COL4A4: variants seen among roughly 807,000 people sequenced by gnomAD.
The protein encoded by COL4A4 is collagen alpha-4(IV) chain.
COL4A4 carries 105 observed loss-of-function variants against 192.9 expected under a neutral mutation model. The observed-to-expected ratio is 0.54, with a 90% confidence interval of 0.46 to 0.64. The LOEUF (loss-of-function observed/expected upper bound fraction) is 0.64. Among genes scored for constraint, COL4A4 ranks in the 30% least tolerant of loss-of-function variants. The pLI, the probability that COL4A4 is intolerant of heterozygous loss-of-function variation, is 0.00. For synonymous variants in COL4A4, 762 were observed against 769.9 expected (o/e 0.99, Z 0.17); for missense variants, 1,967 against 2,169.3 (o/e 0.91, Z 1.85).
chr2:227,147,176 TG>T (rs1488172561), intron 2 of COL4A4: 1 of 646,958 alleles, frequency 1.5e-6, no homozygotes, highest in Non-Finnish European at 2.9e-6. Context: ...AGCAAGAATC[TG>T]GGGCCTTTCC....
At chr2:227,137,151 G>T (rs1414296157) in intron 4 of COL4A4, among the ~76,000 whole-genome samples, 2 of 152,138 alleles carry the variant, frequency 1.3e-5, no homozygotes, top group Admixed American at 1.3e-4. Flanking sequence ...TGCCGCTCAG[G>T]ACTGGGAGCC....
At chr2:227,109,696 G>A (rs7578499) in intron 9 of COL4A4, among the ~76,000 whole-genome samples, 30,305 of 150,908 alleles carry the variant, frequency 0.2, 4,978 homozygotes, top group African/African-American at 0.45. Context: ...GCAGTGAGCC[G>A]AGATTGTGCC....
At position 227,118,735 on chromosome 2, in the gene COL4A4, T is replaced by G; in HGVS notation, c.399A>C (p.Arg133Ser). ...TGTGGCCACTCATACCAGGTTTGCC[T>G]CTGGGTCCAGGAGGCCCTGGGTGCC... ...IPGHPGPPGP[R>S]GKPGMSGHNG... is the part of the protein sequence containing the mutation. The change falls in exon 7 of 48, where the codon AGA becomes AGC. Residue 133 changes from arginine to serine, a missense_variant. Coordinates refer to ENST00000396625, the MANE Select transcript of COL4A4 (RefSeq NM_000092.5). The G allele has an allele frequency of 1.2e-6, 2 of 1,613,816 alleles. No homozygotes were observed. Among genetic ancestry groups the G allele is most frequent in the Non-Finnish European group, 1.7e-6 (2 of 1,179,980 alleles).
chr2:227,027,949 T>A lies in COL4A4; in HGVS notation c.4034A>T (p.Lys1345Met), dbSNP rs1409570670. 1 of 1,613,868 alleles carries A rather than the reference T, an allele frequency of 6.2e-7. No homozygotes were observed. ...PHGFPGPPGE[K>M]GLPGPPGRKG... ...TCTCCCTGGAGGTCCAGGTAAACCC[T>A]TCTCTCCAGGTGGCCCAGGAAATCC... The change falls in exon 42 of 48, where the codon AAG becomes ATG. Residue 1345 changes from lysine (K) to methionine (M), a missense_variant. Coordinates refer to ENST00000396625, the MANE Select transcript of COL4A4 (RefSeq NM_000092.5).
At chr2:227,118,812 A>G in intron 6 of COL4A4, 51 bp from the exon 7 acceptor site, 5 of 1,128,362 alleles carry the variant, frequency 4.4e-6, no homozygotes, top group Middle Eastern at 2.3e-4. Context: ...ATATCATTAC[A>G]TAAAGGTTAT....
rs200823182 is a variant in COL4A4 at position 227,028,012 on chromosome 2, TA to T, written c.3974-4del. 85 of 1,447,526 alleles carry T rather than the reference TA, an allele frequency of 5.9e-5. No individual in the cohort carries two copies. Among genetic ancestry groups the T allele is most frequent in the East Asian group, 1.0e-4 (4 of 40,054 alleles). The allele number at this position is 1,447,526 out of a possible 1,614,324, so 89.7% of individuals were successfully genotyped here. The stretch of plus-strand genomic sequence containing the variant: ...CGGTCCCGGGAATCCCACTGGTCCT[TA>T]AAAAAAAACAAAACATAAAAATGAG... On this transcript the variant is annotated splice_polypyrimidine_tract_variant and splice_region_variant and intron_variant, in intron 41 of 47. Coordinates refer to ENST00000396625, the MANE Select transcript of COL4A4 (RefSeq NM_000092.5).
At chr2:227,158,086 A>T (rs2064497247) in intron 1 of COL4A4, among the ~76,000 whole-genome samples, 1 of 152,144 alleles carries the variant, frequency 6.6e-6, no homozygotes, top group Non-Finnish European at 1.5e-5. Flanking sequence ...AAAAGCAACA[A>T]AGTTGAAGGA....
chr2:226,972,638 C>T, the COL4A4 span, among the ~76,000 whole-genome samples: 1 of 152,134 alleles, frequency 6.6e-6, no homozygotes, highest in Non-Finnish European at 1.5e-5. Flanking sequence ...ACTTGCCCTC[C>T]ATCTATGAAA....
rs562769008 is a variant in COL4A4 at position 227,008,192 on chromosome 2, G to A, written c.4635C>T (p.Ser1545=). The part of the protein sequence containing the change: ...QRNDRSYWLA[S]AAPLPMMPLS... ...GTGGCATCATGGGGAGGGGCGCAGC[G>A]CTGGCCAGCCAGTAGGATCTGTCGT... The change falls in exon 47 of 48, where the codon AGC becomes AGT. Residue 1545 remains serine, a synonymous_variant. Coordinates refer to ENST00000396625, the MANE Select transcript of COL4A4 (RefSeq NM_000092.5). The A allele has an allele frequency of 6.2e-6, 10 of 1,614,214 alleles. No homozygotes were observed. The highest frequency in any genetic ancestry group is 2.2e-5 in the East Asian group (1 of 44,882).
chr2:227,070,800 C>T (rs1576310730), intron 25 of COL4A4, among the ~76,000 whole-genome samples: 1 of 151,642 alleles, frequency 6.6e-6, no homozygotes, highest in East Asian at 1.9e-4. Context: ...GGGTGCAGCA[C>T]AGCAGCATGT....
intron 34 of COL4A4, among the ~76,000 whole-genome samples, chr2:227,047,919 G>A (rs1973231616): frequency 1.3e-5 from 2 of 152,152 alleles, no homozygotes; most frequent in South Asian, 2.1e-4. Flanking sequence ...ATCAAAAATT[G>A]TAACTGTTTT....
At chr2:227,090,030 C>G in intron 20 of COL4A4, 73 bp from the exon 21 acceptor site, 2 of 1,204,006 alleles carry the variant, frequency 1.7e-6, no homozygotes, top group Non-Finnish European at 1.2e-6. Flanking sequence ...GAATAAGTGA[C>G]TTTTGCACTC....
chr2:227,114,512 T>C (rs2061383353), intron 8 of COL4A4, 116 bp downstream of exon 8: 5 of 843,662 alleles, frequency 5.9e-6, no homozygotes, highest in South Asian at 1.3e-5. Flanking sequence ...AGGGTAATGA[T>C]AAAAATTGGT....
chr2:226,967,971 C>T, the COL4A4 span, among the ~76,000 whole-genome samples: 3 of 152,186 alleles, frequency 2.0e-5, no homozygotes, highest in Non-Finnish European at 4.4e-5. Flanking sequence ...GGCCATGACT[C>T]TCTTTTGCTA....
At chr2:226,980,356 C>T in the COL4A4 span, among the ~76,000 whole-genome samples, 78 of 152,214 alleles carry the variant, frequency 5.1e-4, no homozygotes, top group Non-Finnish European at 9.7e-4. Flanking sequence ...TGTAAGACAC[C>T]GGTATCCACT....
intron 1 of COL4A4, among the ~76,000 whole-genome samples, chr2:227,153,102 A>G (rs2064075877): frequency 6.6e-6 from 1 of 152,222 alleles, no homozygotes; most frequent in African/African-American, 2.4e-5. Flanking sequence ...AAAATCCCTT[A>G]TAAAATCACC....
chr2:227,099,193 C>A (rs7559984), intron 18 of COL4A4, among the ~76,000 whole-genome samples: 80,641 of 151,812 alleles, frequency 0.53, 21,763 homozygotes, highest in African/African-American at 0.62. Flanking sequence ...CAGCCTCCCA[C>A]GTAGCTGGGA....
chr2:227,020,801 C>A (rs934318094), intron 44 of COL4A4, among the ~76,000 whole-genome samples: 1 of 151,904 alleles, frequency 6.6e-6, no homozygotes, highest in Non-Finnish European at 1.5e-5. Flanking sequence ...CAGCCCTGGG[C>A]TCCCTAATAT....
rs561126377 is a variant in COL4A4 at position 227,016,343 on chromosome 2, G to T, written c.4217-4046C>A. Among the ~76,000 whole-genome samples, 16 of 152,270 alleles carry T rather than the reference G, an allele frequency of 1.1e-4. No individual in the cohort carries two copies. In the South Asian group the frequency reaches 2.7e-3, roughly 26 times the overall value. On this transcript the variant is annotated intron_variant, in intron 44 of 47. Coordinates refer to ENST00000396625, the MANE Select transcript of COL4A4 (RefSeq NM_000092.5). ...TTACCAAACACCCTCCATGACCCAG[G>T]CCTGTGTATGGATATCACACTGAAT...
Sources: allele counts gnomAD v4.1 joint callset (sites outside exome capture counted in the v4.1 genomes callset), GRCh38; gene constraint gnomAD v4.1.1; transcripts MANE v1.5; gene names NCBI Gene and HGNC (gene_info 2026-07-23, HGNC 2026-07-21).